Variants in KIF14 observed in about 807,000 individuals in gnomAD.
The protein encoded by KIF14 is kinesin-like protein KIF14.
Under a neutral mutation model 176.2 loss-of-function variants are expected in KIF14, and 98 were observed. The ratio of observed to expected loss-of-function variants is 0.56; its 90% confidence interval spans 0.47 to 0.66. The LOEUF is 0.66. Among genes scored for constraint, KIF14 ranks in the 30% least tolerant of loss-of-function variants. KIF14 has a pLI of 0.00. For missense variants in KIF14, 1,751 were observed against 1,920.4 expected (o/e 0.91, Z 1.65); for synonymous variants, 566 against 632.2 (o/e 0.90, Z 1.57).
At position 200,617,630 on chromosome 1, in the gene KIF14, A is replaced by G; in HGVS notation, c.1094T>C (p.Val365Ala). Residue 365 changes from valine (V) to alanine (A), a missense_variant, in exon 2 of 30, where the codon GTA becomes GCA. By Grantham distance (64) the Val-to-Ala change is moderately conservative. Transcript: ENST00000367350. ...CACATACCTCTTGGTGAAAGGTCTT[A>G]CGCGTACTGCCACTGTCACTTGACT... ...ENSQVTVAVR[V>A]RPFTKREKIE... is the part of the protein sequence containing the mutation. 6.2e-7 allele frequency: 1 copy of G among 1,611,006 alleles called. No homozygotes were observed. The highest frequency in any genetic ancestry group is 1.1e-5 in the South Asian group (1 of 90,898).
At position 200,617,858 on chromosome 1, in the gene KIF14, G is replaced by A; in HGVS notation, c.866C>T (p.Thr289Ile). 6.2e-7 allele frequency: 1 copy of A among 1,614,146 alleles called. No homozygotes were observed. ...CTTAAGCTGAGGCAGGCTGCACTTT[G>A]TTGTCAGTTTGTGTTCTGTTGTACA... ...TKCTTEHKLT[T>I]KCSLPQLKSP... The change falls in exon 2 of 30, where the codon ACA becomes ATA. Residue 289 changes from threonine to isoleucine, a missense_variant. Transcript: ENST00000367350.
chr1:200,598,400 T>C lies in KIF14; in HGVS notation c.2386A>G (p.Met796Val), dbSNP rs370715684. The C allele has an allele frequency of 5.6e-6, 9 of 1,607,284 alleles. No homozygotes were observed. In the African/African-American group the frequency reaches 1.1e-4, roughly 19 times the overall value. Residue 796 changes from methionine to valine, a missense_variant, in exon 14 of 30, where the codon ATG (methionine) becomes GTG (valine). By Grantham distance (21) the Met-to-Val change is conservative. Transcript: ENST00000367350. ...ACAAGGTTTGGTAAATGATTGTCCA[T>C]TTGAAACATAATTCCTGCTTTCTGG... ...ELQKAGIMFQ[M>V]DNHLPNLVNL...
intron 19 of KIF14, among the ~76,000 whole-genome samples, chr1:200,581,776 T>C (rs1186179117): frequency 1.6e-4 from 23 of 146,064 alleles, no homozygotes; most frequent in Admixed American, 1.6e-3. Context: ...TTTTTTTTTT[T>C]TTTTTTTTGA....
Position 200,590,129 on chromosome 1 carries a change from T to C in KIF14, c.2957A>G (p.Glu986Gly), listed in dbSNP as rs1366229100. The C allele has an allele frequency of 2.0e-5, 32 of 1,606,320 alleles. No homozygotes were observed. The highest frequency in any genetic ancestry group is 2.6e-5 in the Non-Finnish European group (31 of 1,178,574). Reference protein sequence around the residue: ...YESKIKALEAELREESQRKKM... With the variant: ...YESKIKALEAGLREESQRKKM... ...AAAACTAATTCTGCCTTTTACCAGT[T>C]CTGCTTCCAGTGCTTTTATTTTGCT... Residue 986 changes from glutamate (E) to glycine (G), a missense_variant, in exon 17 of 30, where the codon GAA (glutamate) becomes GGA (glycine). Coordinates refer to ENST00000367350, the MANE Select transcript of KIF14 (RefSeq NM_014875.3).
intron 20 of KIF14, 86 bp downstream of exon 20, chr1:200,581,115 G>GGAAAAAA (rs1553256824): frequency 7.5e-6 from 2 of 267,034 alleles, no homozygotes; most frequent in African/African-American, 4.5e-5. Flanking sequence ...CTCTGTCTCA[G>GGAAAAAA]AAAAAAAAAA....
chr1:200,573,918 A>G (rs1261697818), intron 22 of KIF14, among the ~76,000 whole-genome samples: 2 of 152,234 alleles, frequency 1.3e-5, no homozygotes, highest in Non-Finnish European at 2.9e-5. Context: ...CTACCCTTTC[A>G]TATACAATGG....
intron 16 of KIF14, among the ~76,000 whole-genome samples, chr1:200,590,629 T>C (rs181388670): frequency 8.5e-5 from 13 of 152,290 alleles, no homozygotes; most frequent in Admixed American, 2.0e-4. Context: ...ATATCACAGC[T>C]AGGGAGAGAG....
rs1446896280 is a variant in KIF14, at chr1:200,595,629, G to T, written c.2550-1860C>A. Reference sequence around the variant, plus strand: ...TAATAAAAGAGCAAAAGAACCTAAAGAACAAAAGGATATGCCCTAACAGAT... The same window carrying T: ...TAATAAAAGAGCAAAAGAACCTAAATAACAAAAGGATATGCCCTAACAGAT... On this transcript the variant is annotated intron_variant, in intron 14 of 29. Coordinates refer to ENST00000367350, the MANE Select transcript of KIF14 (RefSeq NM_014875.3). Among the ~76,000 whole-genome samples the T allele has an allele frequency of 2.0e-5, 3 of 152,088 alleles. No homozygotes were observed. In the East Asian group the frequency reaches 5.8e-4, roughly 29 times the overall value.
chr1:200,577,450 G>A (rs936161796), intron 21 of KIF14, among the ~76,000 whole-genome samples: 8 of 152,104 alleles, frequency 5.3e-5, no homozygotes, highest in African/African-American at 1.9e-4. Context: ...GAGCCACCGT[G>A]CCCAGCCCTG....
At chr1:200,554,640 A>G (rs764727393) in intron 28 of KIF14, 34 bp from the exon 29 acceptor site, 2 of 1,128,806 alleles carry the variant, frequency 1.8e-6, no homozygotes, top group Non-Finnish European at 1.3e-6. Flanking sequence ...AAAATAATAC[A>G]TTAACAGGCT....
At chr1:200,556,692 A>G (rs760773833) in intron 27 of KIF14, among the ~76,000 whole-genome samples, 1 of 152,224 alleles carries the variant, frequency 6.6e-6, no homozygotes, top group Non-Finnish European at 1.5e-5. Context: ...ATTTTTCATT[A>G]ATTTATTCTA....
chr1:200,619,998 C>T (rs1660605444), intron 1 of KIF14, among the ~76,000 whole-genome samples: 1 of 152,138 alleles, frequency 6.6e-6, no homozygotes, highest in South Asian at 2.1e-4. Flanking sequence ...CGGGTTCTAA[C>T]CTGTAAAATG....
Position 200,555,497 on chromosome 1 carries a change from G to A in KIF14, c.4354-43C>T, listed in dbSNP as rs368476614. On this transcript the variant is annotated intron_variant, in intron 27 of 29. Transcript: ENST00000367350. ...ATATTTTATTATACTTTATTATTCA[G>A]AAGTACAAAAATCATAGAATTGCAT... 64 of 1,175,302 alleles carry A rather than the reference G, an allele frequency of 5.4e-5. 1 individual carries two copies. The African/African-American group carries it at 9.7e-4, about 18-fold the overall frequency. The allele number at this position is 1,175,302 out of a possible 1,614,324, so 72.8% of individuals were successfully genotyped here.
At chr1:200,570,166 T>C (rs1558053829) in intron 22 of KIF14, among the ~76,000 whole-genome samples, 161 bp from the exon 23 acceptor site, 1 of 152,216 alleles carries the variant, frequency 6.6e-6, no homozygotes, top group Admixed American at 6.5e-5. Context: ...TGAGCAAGAA[T>C]TTTACTATTT....
intron 10 of KIF14, 78 bp from the exon 11 acceptor site, chr1:200,602,146 C>A: frequency 8.4e-7 from 1 of 1,191,878 alleles, no homozygotes; most frequent in Non-Finnish European, 1.2e-6. Context: ...ACAAAACAAA[C>A]TAATAGGGTA....
chr1:200,561,989 C>T (rs1266777815), intron 25 of KIF14, among the ~76,000 whole-genome samples: 4 of 152,128 alleles, frequency 2.6e-5, no homozygotes, highest in Non-Finnish European at 5.9e-5. Flanking sequence ...ACTCAGAGTA[C>T]ACATATAAAA....
At chr1:200,597,735 C>T (rs1659424439) in intron 14 of KIF14, among the ~76,000 whole-genome samples, 1 of 152,142 alleles carries the variant, frequency 6.6e-6, no homozygotes, top group Non-Finnish European at 1.5e-5. Flanking sequence ...AAGAGATAAA[C>T]TCATACAATG....
chr1:200,566,199 T>C (rs574713344), intron 23 of KIF14, among the ~76,000 whole-genome samples: 16 of 152,248 alleles, frequency 1.1e-4, no homozygotes, highest in African/African-American at 2.9e-4. Context: ...TATGAGACAA[T>C]AGAGAATCCA....
At chr1:200,604,982 C>T (rs1245294811) in intron 8 of KIF14, among the ~76,000 whole-genome samples, 1 of 152,200 alleles carries the variant, frequency 6.6e-6, no homozygotes, top group East Asian at 1.9e-4. Flanking sequence ...AAACGGTATA[C>T]TGCCATAAGT....
Sources: allele counts gnomAD v4.1 joint callset (sites outside exome capture counted in the v4.1 genomes callset), GRCh38; gene constraint gnomAD v4.1.1; transcripts MANE v1.5; gene names NCBI Gene and HGNC (gene_info 2026-07-23, HGNC 2026-07-21).